Variants in KAZN observed in about 807,000 individuals in gnomAD.
The protein encoded by KAZN is kazrin, periplakin interacting protein.
Under a neutral mutation model 87.4 loss-of-function variants are expected in KAZN, and 40 were observed. The observed-to-expected ratio is 0.46, with a 90% CI of 0.36 to 0.60. KAZN has a LOEUF of 0.60. Ranked by LOEUF, KAZN falls within the 20% of genes least tolerant of loss-of-function variation. KAZN has a pLI of 0.00. For missense variants in KAZN, 898 were observed against 1,073.9 expected, an observed-to-expected ratio of 0.84 and a Z score of 2.29; for synonymous variants, 466 against 458.3, an observed-to-expected ratio of 1.02 and a Z score of -0.22.
intron 2 of KAZN, among the ~76,000 whole-genome samples, chr1:14,459,031 G>C (rs573063226): frequency 6.6e-6 from 1 of 152,124 alleles, no homozygotes; most frequent in African/African-American, 2.4e-5. Context: ...AAACTGGGTG[G>C]CCCCGTTACT....
chr1:14,915,505 AC>A (rs1657709819), intron 1 of KAZN, among the ~76,000 whole-genome samples: 1 of 152,198 alleles, frequency 6.6e-6, no homozygotes, highest in South Asian at 2.1e-4. Flanking sequence ...CAAGGGTCCC[AC>A]TTGGGGAAGA....
At chr1:14,200,069 A>G (rs1646607519) in intron 2 of KAZN, among the ~76,000 whole-genome samples, 1 of 152,112 alleles carries the variant, frequency 6.6e-6, no homozygotes, top group Admixed American at 6.6e-5. Flanking sequence ...TCTTTGATGC[A>G]TGCATATCCT....
At position 14,788,198 on chromosome 1, in the gene KAZN, T is replaced by G. The variant is rs143941480; in HGVS notation, c.227-172486T>G. Among the ~76,000 whole-genome samples the G allele has an allele frequency of 2.3e-3, 349 of 152,266 alleles. 1 individual carries two copies. Among genetic ancestry groups the G allele is most frequent in the African/African-American group, 8.0e-3 (334 of 41,566 alleles). Reference sequence around the variant, plus strand: ...AGCCAGCCCTGTCTCAGTGCTACCATCCTACCCCCAGCCCCAAACGCATCA... The same window carrying G: ...AGCCAGCCCTGTCTCAGTGCTACCAGCCTACCCCCAGCCCCAAACGCATCA... On this transcript the variant is annotated intron_variant, in intron 1 of 14. Coordinates refer to ENST00000376030, the MANE Select transcript of KAZN (RefSeq NM_201628.3).
At chr1:14,398,374 C>T (rs1451353108) in intron 2 of KAZN, among the ~76,000 whole-genome samples, 1 of 152,210 alleles carries the variant, frequency 6.6e-6, no homozygotes, top group African/African-American at 2.4e-5. Flanking sequence ...CCTCAATTTC[C>T]TTATCTGTAC....
intron 8 of KAZN, among the ~76,000 whole-genome samples, chr1:15,084,255 C>G (rs1348631393): frequency 3.3e-5 from 5 of 152,334 alleles, no homozygotes; most frequent in African/African-American, 1.2e-4. Flanking sequence ...TGGCTGATGA[C>G]CTCGGCAATC....
At chr1:14,711,594 G>GC (rs1487431775) in intron 1 of KAZN, among the ~76,000 whole-genome samples, 1 of 152,160 alleles carries the variant, frequency 6.6e-6, no homozygotes, top group African/African-American at 2.4e-5. Flanking sequence ...TTGCTGTCTT[G>GC]CTAGTGCACT....
chr1:14,412,989 AAC>A (rs1181481665), intron 2 of KAZN, among the ~76,000 whole-genome samples: 18 of 148,472 alleles, frequency 1.2e-4, no homozygotes, highest in South Asian at 6.3e-4. Context: ...AAAATATAAA[AAC>A]ACATATATAA....
intron 4 of KAZN, among the ~76,000 whole-genome samples, chr1:15,050,169 A>G (rs971468337): frequency 2.8e-5 from 3 of 108,284 alleles, no homozygotes; most frequent in South Asian, 3.5e-4. Flanking sequence ...GGAATAGAAT[A>G]GAATAGAATA....
At chr1:14,841,405 C>CAAAAAAAAAAAAAAAAAAAA (rs57248871) in intron 1 of KAZN, among the ~76,000 whole-genome samples, 1 of 88,880 alleles carries the variant, frequency 1.1e-5, no homozygotes, top group Non-Finnish European at 2.2e-5. Flanking sequence ...GACTCCGTCT[C>CAAAAAAAAAAAAAAAAAAAA]AAAAAAAAAA....
chr1:15,109,992 G>A (rs1641459286), intron 13 of KAZN, among the ~76,000 whole-genome samples: 2 of 121,678 alleles, frequency 1.6e-5, no homozygotes, highest in Admixed American at 8.2e-5. Context: ...TGTTTATGTG[G>A]GTATATGTGT....
At chr1:14,428,164 C>T (rs1177494771) in intron 2 of KAZN, among the ~76,000 whole-genome samples, 12 of 152,148 alleles carry the variant, frequency 7.9e-5, no homozygotes, top group East Asian at 1.9e-4. Flanking sequence ...TTTGGTGAGA[C>T]GAAGTTAGCA....
chr1:14,053,135 C>T (rs1642411641), intron 1 of KAZN, among the ~76,000 whole-genome samples: 1 of 152,214 alleles, frequency 6.6e-6, no homozygotes, highest in Admixed American at 6.5e-5. Context: ...TTACATCACA[C>T]AGGGCTCTGT....
intron 1 of KAZN, among the ~76,000 whole-genome samples, chr1:14,937,742 C>G (rs1321671526): frequency 6.6e-6 from 1 of 152,212 alleles, no homozygotes; most frequent in African/African-American, 2.4e-5. Context: ...TTTGGGTGCT[C>G]CAGACGGCAT....
chr1:14,855,507 C>T (rs1649991262), intron 1 of KAZN, among the ~76,000 whole-genome samples: 1 of 152,190 alleles, frequency 6.6e-6, no homozygotes, highest in Non-Finnish European at 1.5e-5. Context: ...GCACAAGTGA[C>T]CAAATGTAGT....
intron 1 of KAZN, among the ~76,000 whole-genome samples, chr1:14,077,908 G>C (rs761709013): frequency 2.0e-5 from 3 of 152,288 alleles, no homozygotes; most frequent in Non-Finnish European, 4.4e-5. Flanking sequence ...AAGAGTTGCC[G>C]GCAGCCGCCT....
chr1:13,932,482 G>A (rs868830000), intron 1 of KAZN, among the ~76,000 whole-genome samples: 1 of 151,836 alleles, frequency 6.6e-6, no homozygotes, highest in Non-Finnish European at 1.5e-5. Flanking sequence ...GGATGGTCTT[G>A]ATCTCCTGAC....
chr1:14,480,562 T>C (rs1172539560), intron 2 of KAZN, among the ~76,000 whole-genome samples: 1 of 147,500 alleles, frequency 6.8e-6, no homozygotes, highest in Non-Finnish European at 1.5e-5. Context: ...TTTATGTATA[T>C]TTATAAACAT....
intron 2 of KAZN, among the ~76,000 whole-genome samples, chr1:14,395,527 T>C (rs1055419097): frequency 1.3e-5 from 2 of 152,110 alleles, no homozygotes; most frequent in African/African-American, 4.8e-5. Context: ...TGGTGGGAGC[T>C]GCAGCTCCTG....
chr1:15,098,047 T>A (rs1640876014), intron 10 of KAZN, among the ~76,000 whole-genome samples: 1 of 152,202 alleles, frequency 6.6e-6, no homozygotes, highest in South Asian at 2.1e-4. Flanking sequence ...TACAACTCCA[T>A]GAGGCAAGCG....
Sources: gnomAD v4.1 joint callset for allele counts (sites outside exome capture counted in the v4.1 genomes callset) on GRCh38, gnomAD v4.1.1 for gene constraint, MANE v1.5 for transcripts, NCBI Gene and HGNC (gene_info 2026-07-23, HGNC 2026-07-21) for gene names.